PPL: variants seen among roughly 807,000 people sequenced by gnomAD.
PPL encodes 190 kDa paraneoplastic pemphigus antigen.
A neutral mutation model predicts 194.4 loss-of-function variants in PPL; 198 were observed. That is an observed-to-expected ratio of 1.02 (90% confidence interval 0.91 to 1.15). PPL has a LOEUF of 1.15. Ranked by LOEUF, PPL falls within the 50% of genes most tolerant of loss-of-function variation. The pLI is 0.00. For synonymous variants in PPL, 1,220 were observed against 972.4 expected, an observed-to-expected ratio of 1.25 and a Z score of -4.74; for missense variants, 2,885 against 2,294.8, an observed-to-expected ratio of 1.26 and a Z score of -5.25.
Position 4,893,652 on chromosome 16 carries a change from A to T in PPL, c.1395-14T>A, listed in dbSNP as rs1470973108. ...TGGCTGCCCAGGCTGTGAGGACAGA[A>T]ATGAGCTGGGAACCTGGGCAGCCCA... On this transcript the variant is annotated splice_polypyrimidine_tract_variant and intron_variant, in intron 12 of 21. Coordinates refer to ENST00000345988, the MANE Select transcript of PPL (RefSeq NM_002705.5). 1 of 1,568,662 alleles carries T rather than the reference A, an allele frequency of 6.4e-7. No homozygotes were observed. The highest frequency in any genetic ancestry group is 8.6e-7 in the Non-Finnish European group (1 of 1,161,114).
chr16:4,936,035 C>G (rs141657111), intron 1 of PPL, among the ~76,000 whole-genome samples: 2 of 152,186 alleles, frequency 1.3e-5, no homozygotes, highest in East Asian at 1.9e-4. Context: ...ATTCCCACCC[C>G]CTCCGTCAAT....
intron 1 of PPL, among the ~76,000 whole-genome samples, chr16:4,923,335 T>C (rs892495797): frequency 1.5e-4 from 23 of 152,194 alleles, no homozygotes; most frequent in African/African-American, 5.3e-4. Context: ...TGAGAGCATT[T>C]GGGAGCACAG....
chr16:4,883,872 C>T lies in PPL; in HGVS notation c.4783G>A (p.Asp1595Asn), dbSNP rs773273160. The change falls in exon 22 of 22, where the codon GAC becomes AAC. Residue 1595 changes from aspartate (D) to asparagine (N), a missense_variant. Coordinates refer to ENST00000345988, the MANE Select transcript of PPL (RefSeq NM_002705.5). This position sits in a 1 kb window ranked among gnomAD's most constrained non-coding sequence, Gnocchi z 4.8. The stretch of plus-strand genomic sequence containing the variant: ...TCCGCCACGGTCATGTTCCGCAGGT[C>T]TCGTGTTTCCGTCGCTGCCATGTTG... ...EINMAATETR[D>N]LRNMTVADSG... The T allele has an allele frequency of 7.4e-6, 12 of 1,614,062 alleles. No individual in the cohort carries two copies. Among genetic ancestry groups the T allele is most frequent in the South Asian group, 1.1e-5 (1 of 91,090 alleles).
rs1360707802 is a variant in PPL at position 4,890,807 on chromosome 16, G to A, written c.2083C>T (p.Pro695Ser). The A allele has an allele frequency of 6.2e-7, 1 of 1,603,176 alleles. No individual in the cohort carries two copies. Among genetic ancestry groups the A allele is most frequent in the Non-Finnish European group, 8.5e-7 (1 of 1,175,348 alleles). ...TCGGCCTCCTGGCGCTCCAGGTCCG[G>A]ACAGTGCTCCTGGAAGCGGCTGGCC... ...TLASRFQEHC[P>S]DLERQEAEVH... Residue 695 changes from proline to serine, a missense_variant, in exon 17 of 22, where the codon CCG (proline) becomes TCG (serine). Pro to Ser is a moderately conservative substitution (Grantham distance 74). Transcript: ENST00000345988.
At chr16:4,894,679 T>C in intron 11 of PPL, 61 bp from the exon 12 acceptor site, 11 of 1,576,840 alleles carry the variant, frequency 7.0e-6, no homozygotes, top group Non-Finnish European at 9.5e-6. Context: ...GGGAGCCCGG[T>C]TGCCATCTCA....
chr16:4,887,877 T>G (rs975849434), intron 20 of PPL, among the ~76,000 whole-genome samples: 30 of 152,216 alleles, frequency 2.0e-4, no homozygotes, highest in Admixed American at 1.9e-3. Context: ...ATTACAGGTG[T>G]GAGCCACTGC....
At position 4,884,261 on chromosome 16, in the gene PPL, TGGAGTC is replaced by T; in HGVS notation, c.4388_4393del (p.Arg1463_Leu1464del). 6.2e-7 allele frequency: 1 copy of T among 1,613,142 alleles called. No individual in the cohort carries two copies. The highest frequency in any genetic ancestry group is 8.5e-7 in the Non-Finnish European group (1 of 1,179,770). On this transcript the variant is annotated inframe_deletion, in exon 22 of 22. Coordinates refer to ENST00000345988, the MANE Select transcript of PPL (RefSeq NM_002705.5). This position sits in a 1 kb window ranked among gnomAD's most constrained non-coding sequence, Gnocchi z 5.7. Reference sequence around the variant, plus strand: ...CCGCCGGTGCTGCTCTTCTTCCAGCTGGAGTCGGAGCAGGGCATGCTCTCGCGCCTG... The same window carrying T: ...CCGCCGGTGCTGCTCTTCTTCCAGCTGGAGCAGGGCATGCTCTCGCGCCTG...
At chr16:4,918,484 T>C (rs1310540967) in intron 1 of PPL, among the ~76,000 whole-genome samples, 1 of 152,066 alleles carries the variant, frequency 6.6e-6, no homozygotes, top group Admixed American at 6.6e-5. Context: ...AAGTCACATA[T>C]ATATTAGCTC....
At chr16:4,920,739 G>A (rs2089033688) in intron 1 of PPL, among the ~76,000 whole-genome samples, 1 of 152,152 alleles carries the variant, frequency 6.6e-6, no homozygotes, top group Non-Finnish European at 1.5e-5. Flanking sequence ...GGAATTACAG[G>A]TGTCAACCAC....
chr16:4,909,260 T>A (rs555037210), intron 2 of PPL, among the ~76,000 whole-genome samples: 1 of 152,220 alleles, frequency 6.6e-6, no homozygotes, highest in African/African-American at 2.4e-5. Flanking sequence ...TTGGGTCTCT[T>A]GGCTGCTGTG....
chr16:4,895,533 G>C (rs1361289152), intron 10 of PPL, 61 bp downstream of exon 10: 1 of 1,611,178 alleles, frequency 6.2e-7, no homozygotes, highest in Non-Finnish European at 8.5e-7. Context: ...GCTGAGGGCA[G>C]GCATGGTGTA....
intron 2 of PPL, among the ~76,000 whole-genome samples, chr16:4,906,171 G>A (rs966259556): frequency 1.4e-4 from 21 of 152,256 alleles, no homozygotes; most frequent in South Asian, 1.0e-3. Context: ...AGGCTGGCCC[G>A]TTAATTACAA....
chr16:4,906,052 G>A (rs934742862), intron 2 of PPL, among the ~76,000 whole-genome samples: 9 of 152,142 alleles, frequency 5.9e-5, no homozygotes, highest in African/African-American at 1.7e-4. Flanking sequence ...AGGCTGCAAT[G>A]AGCTAAGATT....
intron 2 of PPL, among the ~76,000 whole-genome samples, chr16:4,910,254 C>T (rs948240760): frequency 1.3e-5 from 2 of 152,228 alleles, no homozygotes; most frequent in Non-Finnish European, 2.9e-5. Flanking sequence ...GGAGAAAGAC[C>T]TGCACCCTGA....
intron 1 of PPL, among the ~76,000 whole-genome samples, chr16:4,932,459 G>C (rs1447039586): frequency 6.6e-6 from 1 of 151,754 alleles, no homozygotes; most frequent in East Asian, 1.9e-4. Context: ...TCCCAGGCTG[G>C]AGTGCAGTGG....
In PPL at chr16:4,927,049, A is replaced by T. The variant is rs149732632; in HGVS notation, c.62+9935T>A. Among the ~76,000 whole-genome samples the T allele has an allele frequency of 5.6e-3, 854 of 152,348 alleles. 3 individuals are homozygous for T. Among genetic ancestry groups the T allele is most frequent in the Non-Finnish European group, 9.1e-3 (620 of 68,026 alleles). On this transcript the variant is annotated intron_variant, in intron 1 of 21. Coordinates refer to ENST00000345988, the MANE Select transcript of PPL (RefSeq NM_002705.5). Reference sequence around the variant, plus strand: ...AGCAAAATGGAAACAAAGGGAAAGCATGATAAATAGGGCACTATGGTGGAG... The same window carrying T: ...AGCAAAATGGAAACAAAGGGAAAGCTTGATAAATAGGGCACTATGGTGGAG...
intron 2 of PPL, among the ~76,000 whole-genome samples, 198 bp from the exon 3 acceptor site, chr16:4,904,238 T>C (rs2088637500): frequency 6.6e-6 from 1 of 152,368 alleles, no homozygotes; most frequent in East Asian, 1.9e-4. Flanking sequence ...AAGTTCACTT[T>C]GCAAAGCAGG....
chr16:4,893,187 C>A, intron 14 of PPL, 26 bp downstream of exon 14: 2 of 1,518,592 alleles, frequency 1.3e-6, no homozygotes, highest in African/African-American at 1.4e-5. Flanking sequence ...CCCCCGGCCC[C>A]ACCTGTGCTC....
At chr16:4,914,476 G>A (rs545206687) in intron 1 of PPL, among the ~76,000 whole-genome samples, 3 of 152,198 alleles carry the variant, frequency 2.0e-5, no homozygotes, top group Non-Finnish European at 4.4e-5. Flanking sequence ...GGATCCATCC[G>A]TCTAGGTTCC....
Sources: gnomAD v4.1 joint callset for allele counts (sites outside exome capture counted in the v4.1 genomes callset) on GRCh38, gnomAD v4.1.1 for gene constraint, Gnocchi (gnomAD v3.1) non-coding constraint, MANE v1.5 for transcripts, NCBI Gene and HGNC (gene_info 2026-07-23, HGNC 2026-07-21) for gene names.